Variants in ERG observed in about 807,000 individuals in gnomAD.
ERG encodes the protein transcriptional regulator ERG.
In ERG, 9 loss-of-function variants were observed where a neutral mutation model predicts 55.3. The ratio of observed to expected loss-of-function variants is 0.16; its 90% CI spans 0.10 to 0.28. The LOEUF is 0.28. Among genes scored for constraint, ERG ranks in the 10% least tolerant of loss-of-function variants. The pLI, the probability that ERG is intolerant of heterozygous loss-of-function variation, is 1.00. For missense variants in ERG, 434 were observed against 631.6 expected, an observed-to-expected ratio of 0.69 and a Z score of 3.35; for synonymous variants, 223 against 237.3, an observed-to-expected ratio of 0.94 and a Z score of 0.55.
chr21:38,399,442 A>G (rs747601224), intron 6 of ERG, among the ~76,000 whole-genome samples: 4 of 152,208 alleles, frequency 2.6e-5, no homozygotes, highest in Non-Finnish European at 5.9e-5. Context: ...AGACTTGTGT[A>G]TTCCGGATAT....
chr21:38,620,514 A>G (rs957586487), intron 1 of ERG, among the ~76,000 whole-genome samples: 40 of 152,248 alleles, frequency 2.6e-4, no homozygotes, highest in Non-Finnish European at 8.8e-5. Context: ...TTACTTTTAC[A>G]GGTTACATTG....
At chr21:38,527,952 C>G (rs1413463011) in intron 2 of ERG, among the ~76,000 whole-genome samples, 1 of 152,164 alleles carries the variant, frequency 6.6e-6, no homozygotes, top group African/African-American at 2.4e-5. Flanking sequence ...CTTCCGCCAC[C>G]GAAATGTATT....
intron 1 of ERG, among the ~76,000 whole-genome samples, chr21:38,613,858 C>A (rs2060243346): frequency 1.3e-5 from 2 of 152,212 alleles, no homozygotes; most frequent in Admixed American, 6.5e-5. Flanking sequence ...TGGGCCCCCC[C>A]TCTTCAGCCG....
intron 2 of ERG, among the ~76,000 whole-genome samples, chr21:38,564,921 A>T (rs2059913914): frequency 6.6e-6 from 1 of 152,126 alleles, no homozygotes; most frequent in Non-Finnish European, 1.5e-5. Flanking sequence ...TATCTCTCAC[A>T]TGACCTCTAG....
chr21:38,378,065 C>A (rs1301989108), downstream of ERG, among the ~76,000 whole-genome samples: 3 of 152,210 alleles, frequency 2.0e-5, no homozygotes, highest in Non-Finnish European at 2.9e-5. Flanking sequence ...AGAGCCACAA[C>A]ATAATTCAAT....
intron 1 of ERG, among the ~76,000 whole-genome samples, chr21:38,605,830 TGATA>T (rs1451529621): frequency 1.3e-5 from 2 of 151,906 alleles, no homozygotes; most frequent in African/African-American, 4.8e-5. Flanking sequence ...CCCAGATAGA[TGATA>T]GATAGATGAT....
intron 3 of ERG, among the ~76,000 whole-genome samples, chr21:38,407,738 T>G (rs1243740822): frequency 2.7e-5 from 4 of 146,458 alleles, no homozygotes; most frequent in Admixed American, 6.8e-5. Context: ...ATAAAAAGTA[T>G]TTTTTAAAAG....
rs56711562 is a variant in ERG, at chr21:38,406,154, C to CAAAAA, written c.389-2450_389-2446dup. On this transcript the variant is annotated intron_variant, in intron 3 of 9. Coordinates refer to ENST00000288319, the MANE Select transcript of ERG (RefSeq NM_182918.4). ...TGAGCGACAGAGCGAGACTCCATCTCAAAAAAAAAAAAAAAAAAAAATCAT... is the reference window on the plus strand; with the variant it reads ...TGAGCGACAGAGCGAGACTCCATCTCAAAAAAAAAAAAAAAAAAAAAAAAAATCAT... Among the ~76,000 whole-genome samples the CAAAAA allele has an allele frequency of 1.4e-3, 137 of 95,010 alleles. 3 individuals carry two copies. Among genetic ancestry groups the CAAAAA allele is most frequent in the African/African-American group, 4.8e-3 (116 of 24,280 alleles). The allele number at this position is 95,010 out of a possible 152,430, so 62.3% of individuals were successfully genotyped here.
Position 38,381,573 on chromosome 21 carries a change from A to G in ERG, c.*1830T>C. 2 of 1,063,294 alleles carry G rather than the reference A, an allele frequency of 1.9e-6. No homozygotes were observed. The highest frequency in any genetic ancestry group is 4.2e-4 in the Middle Eastern group (1 of 2,398). The allele number at this position is 1,063,294 out of a possible 1,614,324, so 65.9% of individuals were successfully genotyped here. A position where few individuals can be genotyped will look rare whatever the true frequency, so the allele number is the denominator to read the frequency against. ...TCTAGACGTTATCCCTTGTTTCTGT[A>G]AAGTGAGAAATTGCAGCTATCCATG... On this transcript the variant is annotated 3_prime_UTR_variant, in exon 10 of 10. Transcript: ENST00000288319.
intron 1 of ERG, among the ~76,000 whole-genome samples, chr21:38,497,504 A>G (rs1444428433): frequency 6.6e-6 from 1 of 152,224 alleles, no homozygotes; most frequent in Non-Finnish European, 1.5e-5. Flanking sequence ...CCCCCATTCA[A>G]GACTGCATGC....
intron 2 of ERG, among the ~76,000 whole-genome samples, chr21:38,440,787 CAAAAAAAAAAAA>C (rs10601871): frequency 1.7e-4 from 17 of 99,874 alleles, no homozygotes; most frequent in African/African-American, 1.1e-4. Flanking sequence ...AAAACTGTCT[CAAAAAAAAAAAA>C]AAAAAAAAAA....
chr21:38,521,146 C>T (rs2059591415), intron 2 of ERG, among the ~76,000 whole-genome samples: 1 of 152,132 alleles, frequency 6.6e-6, no homozygotes, highest in Non-Finnish European at 1.5e-5. Flanking sequence ...GATTTCCGGG[C>T]TTCAGTGAGT....
At chr21:38,499,687 A>G (rs1461214605), upstream of ERG, among the ~76,000 whole-genome samples, 1 of 151,620 alleles carries the variant, frequency 6.6e-6, no homozygotes, top group Non-Finnish European at 1.5e-5. Flanking sequence ...TTATCACCTC[A>G]TGTTAGGACA....
intron 1 of ERG, among the ~76,000 whole-genome samples, chr21:38,461,100 C>G (rs541780662): frequency 2.6e-5 from 4 of 152,300 alleles, no homozygotes; most frequent in Non-Finnish European, 4.4e-5. Context: ...GTTGCCAAGA[C>G]AATGTACCAC....
the ERG span, among the ~76,000 whole-genome samples, chr21:38,373,955 C>T: frequency 2.0e-5 from 3 of 151,976 alleles, no homozygotes; most frequent in East Asian, 5.8e-4. Flanking sequence ...TGTGAGATAT[C>T]CTCAAATATG....
intron 3 of ERG, among the ~76,000 whole-genome samples, chr21:38,420,398 C>T (rs1199803554): frequency 3.3e-5 from 5 of 152,110 alleles, no homozygotes; most frequent in Non-Finnish European, 5.9e-5. Flanking sequence ...GCAAAATCAG[C>T]CACAACTAGC....
the ERG span, among the ~76,000 whole-genome samples, chr21:38,368,566 A>C: frequency 6.6e-6 from 1 of 152,162 alleles, no homozygotes; most frequent in African/African-American, 2.4e-5. Flanking sequence ...TTACAACTGA[A>C]CATGAGATTT....
At chr21:38,371,047 A>T in the ERG span, among the ~76,000 whole-genome samples, 11 of 152,028 alleles carry the variant, frequency 7.2e-5, no homozygotes, top group Admixed American at 1.3e-4. Flanking sequence ...ATCCATGTAC[A>T]TGATCCATCA....
intron 1 of ERG, among the ~76,000 whole-genome samples, chr21:38,478,374 T>G (rs557833639): frequency 3.3e-5 from 5 of 152,328 alleles, no homozygotes; most frequent in African/African-American, 1.2e-4. Flanking sequence ...TGCAGGGATA[T>G]GCACCATCTC....
Sources: gnomAD v4.1 joint callset for allele counts (sites outside exome capture counted in the v4.1 genomes callset) on GRCh38, gnomAD v4.1.1 for gene constraint, MANE v1.5 for transcripts, NCBI Gene and HGNC (gene_info 2026-07-23, HGNC 2026-07-21) for gene names.